FOXP2: variants seen among roughly 807,000 people sequenced by gnomAD.
FOXP2 encodes forkhead box P2.
A neutral mutation model predicts 115.8 loss-of-function variants in FOXP2; 12 were observed. The observed-to-expected ratio is 0.10, with a 90% CI of 0.07 to 0.17. The LOEUF is 0.17. Ranked by LOEUF, FOXP2 falls within the 10% of genes least tolerant of loss-of-function variation. FOXP2 has a pLI of 1.00. For missense variants in FOXP2, 629 were observed against 843.5 expected (o/e 0.75, Z 3.15); for synonymous variants, 328 against 297.7 (o/e 1.10, Z -1.05).
chr7:114,593,134 A>T (rs1015680655), intron 3 of FOXP2, among the ~76,000 whole-genome samples: 8 of 151,722 alleles, frequency 5.3e-5, no homozygotes, highest in African/African-American at 1.9e-4. Flanking sequence ...TTGAAAGTTT[A>T]CTCTGTGGTT....
intron 16 of FOXP2, among the ~76,000 whole-genome samples, chr7:114,677,731 T>C (rs560283444): frequency 3.3e-5 from 5 of 152,346 alleles, no homozygotes; most frequent in African/African-American, 1.2e-4. Context: ...TAGTTAGTCC[T>C]CTGTTTGTGT....
At chr7:114,460,886 G>C (rs1393198011) in intron 2 of FOXP2, among the ~76,000 whole-genome samples, 1 of 152,106 alleles carries the variant, frequency 6.6e-6, no homozygotes, top group Non-Finnish European at 1.5e-5. Flanking sequence ...AGAACTTGGG[G>C]ATTACTTTTT....
intron 2 of FOXP2, among the ~76,000 whole-genome samples, chr7:114,477,236 G>A (rs1284527288): frequency 6.6e-6 from 1 of 151,956 alleles, no homozygotes; most frequent in East Asian, 1.9e-4. Context: ...ATTCACAAAA[G>A]CAGAGACATG....
chr7:114,465,423 A>G (rs1795759642), intron 2 of FOXP2, among the ~76,000 whole-genome samples: 1 of 152,228 alleles, frequency 6.6e-6, no homozygotes, highest in Admixed American at 6.5e-5. Context: ...TAAGATAGTG[A>G]ATAGGATGCA....
At chr7:114,150,067 T>C (rs1051543316) in intron 1 of FOXP2, among the ~76,000 whole-genome samples, 3 of 152,156 alleles carry the variant, frequency 2.0e-5, no homozygotes, top group Admixed American at 1.3e-4. Context: ...TGACTAGATA[T>C]ATTAATACGT....
intron 3 of FOXP2, among the ~76,000 whole-genome samples, chr7:114,578,500 T>C (rs991814633): frequency 6.6e-6 from 1 of 152,076 alleles, no homozygotes; most frequent in Non-Finnish European, 1.5e-5. Context: ...ATTAATTGAA[T>C]TCAAGAGGGA....
At chr7:114,228,703 T>A (rs1794800427) in intron 1 of FOXP2, among the ~76,000 whole-genome samples, 1 of 151,748 alleles carries the variant, frequency 6.6e-6, no homozygotes, top group South Asian at 2.1e-4. Flanking sequence ...TGTTATAAGA[T>A]GTTGCATGTA....
At chr7:114,595,657 C>A (rs538159509) in intron 3 of FOXP2, among the ~76,000 whole-genome samples, 40 of 152,110 alleles carry the variant, frequency 2.6e-4, no homozygotes, top group Admixed American at 7.2e-4. Context: ...GAGGGGCAAG[C>A]ATTCTCTTTA....
intron 3 of FOXP2, among the ~76,000 whole-genome samples, chr7:114,568,219 T>C (rs78515501): frequency 0.093 from 14,128 of 152,072 alleles, 711 homozygotes; most frequent in Middle Eastern, 0.16. Context: ...GATAGATTAA[T>C]GACAGTATCA....
At chr7:114,364,564 A>T (rs925591145) in intron 2 of FOXP2, among the ~76,000 whole-genome samples, 1 of 152,156 alleles carries the variant, frequency 6.6e-6, no homozygotes, top group East Asian at 1.9e-4. Context: ...AGAAAATCCC[A>T]CTTTTATTTA....
chr7:114,134,609 A>G (rs1791981980), intron 1 of FOXP2, among the ~76,000 whole-genome samples: 1 of 149,350 alleles, frequency 6.7e-6, no homozygotes, highest in Non-Finnish European at 1.5e-5. Flanking sequence ...GCTACTTGGG[A>G]GGCTGAGGCA....
chr7:114,482,185 G>T (rs1796588374), intron 2 of FOXP2, among the ~76,000 whole-genome samples: 1 of 151,434 alleles, frequency 6.6e-6, no homozygotes. Flanking sequence ...TATCATGCAT[G>T]CTTGAACTAG....
intron 1 of FOXP2, among the ~76,000 whole-genome samples, chr7:114,167,356 C>A (rs933459395): frequency 6.6e-6 from 1 of 152,168 alleles, no homozygotes; most frequent in Non-Finnish European, 1.5e-5. Context: ...TGTATGATTC[C>A]AACCACAGGC....
intron 2 of FOXP2, among the ~76,000 whole-genome samples, chr7:114,356,572 C>T (rs1426112860): frequency 6.6e-6 from 1 of 152,106 alleles, no homozygotes; most frequent in African/African-American, 2.4e-5. Context: ...TAAACATCAT[C>T]TGTGTAAGAA....
At chr7:114,663,341 T>C in intron 14 of FOXP2, 109 bp from the exon 15 acceptor site, 3 of 770,144 alleles carry the variant, frequency 3.9e-6, no homozygotes, top group South Asian at 3.1e-5. Context: ...ACATCCAGTA[T>C]GGACTATTAG....
intron 3 of FOXP2, among the ~76,000 whole-genome samples, chr7:114,612,721 T>C (rs1803700611): frequency 6.6e-6 from 1 of 152,190 alleles, no homozygotes; most frequent in Non-Finnish European, 1.5e-5. Flanking sequence ...CAGGTTTTGT[T>C]AGTTGTATAG....
At chr7:114,498,292 G>A (rs1381389913) in intron 2 of FOXP2, among the ~76,000 whole-genome samples, 1 of 152,006 alleles carries the variant, frequency 6.6e-6, no homozygotes, top group Non-Finnish European at 1.5e-5. Context: ...GCTCCACAAT[G>A]GTTTGGACTT....
chr7:114,133,373 G>C (rs560667627), intron 1 of FOXP2, among the ~76,000 whole-genome samples: 1 of 152,174 alleles, frequency 6.6e-6, no homozygotes, highest in South Asian at 2.1e-4. Flanking sequence ...TTGGATATAA[G>C]AATCTAGAAT....
intron 2 of FOXP2, among the ~76,000 whole-genome samples, chr7:114,347,283 A>G (rs1791369960): frequency 6.6e-6 from 1 of 151,998 alleles, no homozygotes; most frequent in South Asian, 2.1e-4. Flanking sequence ...GTATGTATGT[A>G]TGTATGTGTA....
Sources: allele counts gnomAD v4.1 joint callset (sites outside exome capture counted in the v4.1 genomes callset), GRCh38; gene constraint gnomAD v4.1.1; transcripts MANE v1.5; gene names NCBI Gene and HGNC (gene_info 2026-07-23, HGNC 2026-07-21).